The following SNAP25 variants were observed in gnomAD, a reference collection of about 807,000 sequenced individuals.
The protein encoded by SNAP25 is synaptosome associated protein 25.
SNAP25 carries 3 observed loss-of-function variants against 28.7 expected under a neutral mutation model. That is an observed-to-expected ratio of 0.10 (90% CI 0.05 to 0.27). The LOEUF (loss-of-function observed/expected upper bound fraction) is 0.27, where lower values mean the gene tolerates loss of function less well. SNAP25 is among the 10% of genes least tolerant of loss of function. The pLI is 1.00. For synonymous variants in SNAP25, 61 were observed against 88.1 expected, an observed-to-expected ratio of 0.69 and a Z score of 1.72; for missense variants, 117 against 278.7, an observed-to-expected ratio of 0.42 and a Z score of 4.13.
intron 1 of SNAP25, among the ~76,000 whole-genome samples, chr20:10,264,972 A>T (rs1430239684): frequency 7.4e-6 from 1 of 134,384 alleles, no homozygotes; most frequent in Non-Finnish European, 1.5e-5. Context: ...CCCAGACTGG[A>T]GTGCAGTGGC....
At chr20:10,277,583 A>T in intron 2 of SNAP25, 102 bp from the exon 3 acceptor site, 1 of 957,416 alleles carries the variant, frequency 1.0e-6, no homozygotes, top group Non-Finnish European at 1.6e-6. Context: ...TATGTGACAG[A>T]GACCCTTTGT....
chr20:10,267,825 T>G (rs1306072029), intron 1 of SNAP25, among the ~76,000 whole-genome samples: 2 of 152,168 alleles, frequency 1.3e-5, no homozygotes, highest in African/African-American at 4.8e-5. Context: ...GCTGGGATTA[T>G]AGGCATAAGC....
In SNAP25 at chr20:10,256,288, A is replaced by G. The variant is rs557780434; in HGVS notation, c.-63-19141A>G. Reference sequence around the variant, plus strand: ...CGAAGGACCATTAATTAACCTACATATTTTATTTTAAACTTCTTTGAGTCA... The same window carrying G: ...CGAAGGACCATTAATTAACCTACATGTTTTATTTTAAACTTCTTTGAGTCA... On this transcript the variant is annotated intron_variant, in intron 1 of 7. Transcript: ENST00000254976. Among the ~76,000 whole-genome samples, 6 of 152,356 alleles carry G rather than the reference A, an allele frequency of 3.9e-5. No individual in the cohort carries two copies. The East Asian group carries it at 1.2e-3, about 29-fold the overall frequency.
In SNAP25 at chr20:10,242,562, T is replaced by A. The variant is rs3787291; in HGVS notation, c.-64+23585T>A. Among the ~76,000 whole-genome samples, 8 of 152,284 alleles carry A rather than the reference T, an allele frequency of 5.3e-5. No homozygotes were observed. The East Asian group carries it at 1.5e-3, about 29-fold the overall frequency. ...AGAGCACCTCCAGCATCTGTTATAG[T>A]GGCCACGACTTTACTGAGAGAGGAG... On this transcript the variant is annotated intron_variant, in intron 1 of 7. Transcript: ENST00000254976.
chr20:10,275,876 C>A (rs185961628), intron 2 of SNAP25, among the ~76,000 whole-genome samples: 46 of 152,070 alleles, frequency 3.0e-4, no homozygotes, highest in Non-Finnish European at 4.1e-4. Context: ...GGCTCAGTTC[C>A]GAGAACAGAT....
At chr20:10,259,581 C>T (rs909374696) in intron 1 of SNAP25, among the ~76,000 whole-genome samples, 8 of 151,958 alleles carry the variant, frequency 5.3e-5, no homozygotes, top group Non-Finnish European at 1.0e-4. Context: ...TTCTCTTGCC[C>T]AGGCTGGCGT....
intron 5 of SNAP25, 128 bp from the exon 6 acceptor site, chr20:10,296,797 C>G: frequency 7.2e-7 from 1 of 1,381,604 alleles, no homozygotes; most frequent in Non-Finnish European, 9.9e-7. Context: ...TATGATATAT[C>G]GGTATTATCT....
At chr20:10,260,714 C>T (rs201701856) in intron 1 of SNAP25, among the ~76,000 whole-genome samples, 1 of 93,712 alleles carries the variant, frequency 1.1e-5, no homozygotes, top group Non-Finnish European at 2.3e-5. Flanking sequence ...CACACACACA[C>T]ACACACACAA....
At chr20:10,295,426 C>G (rs952860359) in intron 5 of SNAP25, among the ~76,000 whole-genome samples, 2 of 152,208 alleles carry the variant, frequency 1.3e-5, no homozygotes, top group African/African-American at 4.8e-5. Context: ...AAGCCAGACT[C>G]TAAGCCCTAT....
intron 3 of SNAP25, among the ~76,000 whole-genome samples, chr20:10,281,172 G>A (rs1240978900): frequency 5.9e-5 from 9 of 152,118 alleles, no homozygotes; most frequent in Non-Finnish European, 1.3e-4. Context: ...CTGTTTTTAG[G>A]TAGGCGATTT....
chr20:10,280,120 T>A (rs530251099), intron 3 of SNAP25, among the ~76,000 whole-genome samples: 3 of 152,290 alleles, frequency 2.0e-5, no homozygotes, highest in African/African-American at 7.2e-5. Flanking sequence ...TGAAATTCAG[T>A]CTCAAAGACA....
intron 1 of SNAP25, among the ~76,000 whole-genome samples, chr20:10,272,382 T>C (rs970099954): frequency 6.6e-6 from 1 of 152,158 alleles, no homozygotes; most frequent in Non-Finnish European, 1.5e-5. Context: ...AGCTGGGTCT[T>C]TCTGACATCA....
chr20:10,225,604 CA>C lies in SNAP25; in HGVS notation c.-64+6628del, dbSNP rs150267082. On this transcript the variant is annotated intron_variant, in intron 1 of 7. Coordinates refer to ENST00000254976, the MANE Select transcript of SNAP25 (RefSeq NM_130811.4). ...CTTCTTTGCTGTTGTTGATATGGTT[CA>C]TATTACTCAAAGATGTCTAATTCTC... Among the ~76,000 whole-genome samples the C allele has an allele frequency of 5.7e-3, 866 of 152,198 alleles. 36 individuals carry two copies. The East Asian group carries it at 0.11, about 19-fold the overall frequency.
At chr20:10,298,242 C>T (rs980619192) in intron 6 of SNAP25, among the ~76,000 whole-genome samples, 2 of 152,140 alleles carry the variant, frequency 1.3e-5, no homozygotes, top group African/African-American at 4.8e-5. Flanking sequence ...GGGCCAAGCA[C>T]CATTGAACTA....
chr20:10,226,905 C>T (rs762049760), intron 1 of SNAP25, among the ~76,000 whole-genome samples: 1 of 152,024 alleles, frequency 6.6e-6, no homozygotes, highest in South Asian at 2.1e-4. Flanking sequence ...CTGTAGAGAC[C>T]ACTTTCTGCC....
At chr20:10,238,819 C>A (rs2062969386) in intron 1 of SNAP25, among the ~76,000 whole-genome samples, 1 of 152,044 alleles carries the variant, frequency 6.6e-6, no homozygotes, top group Non-Finnish European at 1.5e-5. Flanking sequence ...GCAGGAGAAT[C>A]ACTTGAACCT....
rs117484250 is a variant in SNAP25 at position 10,271,348 on chromosome 20, T to C, written c.-63-4081T>C. On this transcript the variant is annotated intron_variant, in intron 1 of 7. Transcript: ENST00000254976. ...TAGCAGTAAACATCCCAACAGAAGA[T>C]CTGGAGGTACGCTCAGCGCCCACTC... is the stretch of plus-strand genomic sequence containing the variant. Among the ~76,000 whole-genome samples, 957 of 152,318 alleles carry C rather than the reference T, an allele frequency of 6.3e-3. 22 individuals are homozygous for C. Among genetic ancestry groups the C allele is most frequent in the South Asian group, 0.049 (237 of 4,828 alleles).
intron 1 of SNAP25, among the ~76,000 whole-genome samples, chr20:10,243,021 CT>C (rs1034827140): frequency 1.1e-4 from 16 of 152,180 alleles, no homozygotes; most frequent in African/African-American, 3.9e-4. Flanking sequence ...GTAGGGCCGC[CT>C]AACAGCTGCT....
rs372197451 is a variant in SNAP25 at position 10,306,232 on chromosome 20, G to A, written c.*35G>A. The A allele has an allele frequency of 3.1e-5, 50 of 1,593,724 alleles. No individual in the cohort carries two copies. The highest frequency in any genetic ancestry group is 3.3e-4 in the Middle Eastern group (2 of 6,044). On this transcript the variant is annotated 3_prime_UTR_variant, in exon 8 of 8. Coordinates refer to ENST00000254976, the MANE Select transcript of SNAP25 (RefSeq NM_130811.4). Reference sequence around the variant, plus strand: ...CCCGTGTTCTCCTCCAAATGCTGTCGGGCAAGATAGCTCCTTCATGCTTTT... The same window carrying A: ...CCCGTGTTCTCCTCCAAATGCTGTCAGGCAAGATAGCTCCTTCATGCTTTT...
Sources: gnomAD v4.1 joint callset for allele counts (sites outside exome capture counted in the v4.1 genomes callset) on GRCh38, gnomAD v4.1.1 for gene constraint, MANE v1.5 for transcripts, NCBI Gene and HGNC (gene_info 2026-07-23, HGNC 2026-07-21) for gene names.